The following KLF12 variants were observed in gnomAD, a reference collection of about 807,000 sequenced individuals.
KLF12 encodes KLF transcription factor 12.
KLF12 carries 9 observed loss-of-function variants against 37.8 expected under a neutral mutation model. That is an observed-to-expected ratio of 0.24 (90% confidence interval 0.14 to 0.42). The LOEUF (loss-of-function observed/expected upper bound fraction) is 0.42, where lower values mean the gene tolerates loss of function less well. Ranked by LOEUF, KLF12 falls within the 10% of genes least tolerant of loss-of-function variation. The probability of loss-of-function intolerance (pLI) is 1.00; values close to 1 mark genes in which losing one functional copy is unlikely to be tolerated. For synonymous variants in KLF12, 208 were observed against 202.1 expected (o/e 1.03, Z -0.25); for missense variants, 411 against 516.0 (o/e 0.80, Z 1.97).
chr13:74,229,003 A>C, the KLF12 span, among the ~76,000 whole-genome samples: 2 of 152,186 alleles, frequency 1.3e-5, no homozygotes, highest in Non-Finnish European at 2.9e-5. Context: ...GAAGCCAATC[A>C]AAGTTAAATA....
chr13:74,049,575 TA>T (rs1354633413), intron 1 of KLF12, among the ~76,000 whole-genome samples: 5 of 152,108 alleles, frequency 3.3e-5, no homozygotes, highest in Admixed American at 1.3e-4. Context: ...TCTTAGAAAT[TA>T]AAAATATGAT....
the KLF12 span, among the ~76,000 whole-genome samples, chr13:74,149,523 T>C: frequency 6.6e-6 from 1 of 152,208 alleles, no homozygotes; most frequent in African/African-American, 2.4e-5. Flanking sequence ...AATCTGATAT[T>C]CCATGACCAC....
intron 2 of KLF12, among the ~76,000 whole-genome samples, chr13:73,959,532 TA>T (rs1374682306): frequency 6.6e-6 from 1 of 150,966 alleles, no homozygotes; most frequent in African/African-American, 2.4e-5. Context: ...TTAGATATAT[TA>T]AAGGAGAAAT....
intron 5 of KLF12, among the ~76,000 whole-genome samples, chr13:73,807,345 A>G (rs1882701168): frequency 6.6e-6 from 1 of 152,038 alleles, no homozygotes; most frequent in South Asian, 2.1e-4. Context: ...AAATAGCAAT[A>G]AGAGAAGTCT....
chr13:74,162,654 C>T, the KLF12 span, among the ~76,000 whole-genome samples: 3 of 152,170 alleles, frequency 2.0e-5, no homozygotes, highest in Admixed American at 6.5e-5. Flanking sequence ...TGTTTATTCT[C>T]TTCCACCTCC....
the KLF12 span, among the ~76,000 whole-genome samples, chr13:74,141,856 C>G: frequency 1.3e-5 from 2 of 152,162 alleles, no homozygotes; most frequent in African/African-American, 2.4e-5. Flanking sequence ...TTTGGAACAA[C>G]CAACTGGCAG....
At chr13:74,180,030 A>G in the KLF12 span, among the ~76,000 whole-genome samples, 1 of 152,228 alleles carries the variant, frequency 6.6e-6, no homozygotes, top group Non-Finnish European at 1.5e-5. Flanking sequence ...ATAATGATAA[A>G]GACGTCTTCA....
chr13:74,045,986 G>C (rs187752357), intron 1 of KLF12, among the ~76,000 whole-genome samples: 210 of 152,282 alleles, frequency 1.4e-3, no homozygotes, highest in Non-Finnish European at 2.1e-3. Context: ...TATTAGAAGT[G>C]TTTTGTTCCT....
the KLF12 span, among the ~76,000 whole-genome samples, chr13:74,290,226 A>C: frequency 2.0e-5 from 3 of 152,208 alleles, no homozygotes; most frequent in African/African-American, 4.8e-5. Flanking sequence ...ACCACGAATG[A>C]GACACGGAGA....
At chr13:74,143,584 T>G in the KLF12 span, among the ~76,000 whole-genome samples, 8 of 152,338 alleles carry the variant, frequency 5.3e-5, no homozygotes, top group Middle Eastern at 6.8e-3. Flanking sequence ...AGGTGAGCCT[T>G]GCTAATTTAT....
At chr13:74,182,800 G>A in the KLF12 span, among the ~76,000 whole-genome samples, 2 of 152,018 alleles carry the variant, frequency 1.3e-5, no homozygotes, top group African/African-American at 4.8e-5. Flanking sequence ...ATGTGAAAAT[G>A]TCAGACAAGT....
intron 3 of KLF12, among the ~76,000 whole-genome samples, chr13:73,898,610 C>T (rs2139068429): frequency 6.6e-6 from 1 of 152,230 alleles, no homozygotes; most frequent in East Asian, 1.9e-4. Context: ...GTCATGTGTC[C>T]TCTGTCTGGG....
chr13:74,206,318 G>C, the KLF12 span, among the ~76,000 whole-genome samples: 1 of 152,096 alleles, frequency 6.6e-6, no homozygotes, highest in Admixed American at 6.6e-5. Flanking sequence ...GTACTACTCT[G>C]GTTGAATTTG....
chr13:73,991,744 A>G (rs1198105528), intron 2 of KLF12, among the ~76,000 whole-genome samples: 1 of 152,250 alleles, frequency 6.6e-6, no homozygotes, highest in African/African-American at 2.4e-5. Context: ...GCCAATGCTA[A>G]CAATCCATTT....
chr13:73,947,002 T>C (rs892932099), intron 2 of KLF12, among the ~76,000 whole-genome samples: 3 of 152,212 alleles, frequency 2.0e-5, no homozygotes, highest in African/African-American at 7.2e-5. Context: ...CTCAGATGAA[T>C]GTAGACTTTA....
At chr13:73,802,701 A>G (rs1204015647) in intron 5 of KLF12, among the ~76,000 whole-genome samples, 1 of 152,136 alleles carries the variant, frequency 6.6e-6, no homozygotes, top group African/African-American at 2.4e-5. Context: ...GCACCCACTT[A>G]TAAGTGAGAA....
At chr13:74,203,554 T>C in the KLF12 span, among the ~76,000 whole-genome samples, 1 of 152,138 alleles carries the variant, frequency 6.6e-6, no homozygotes, top group African/African-American at 2.4e-5. Flanking sequence ...GTAATGCTTA[T>C]GAATTACAGC....
the KLF12 span, among the ~76,000 whole-genome samples, chr13:74,286,003 C>A: frequency 6.6e-6 from 1 of 152,130 alleles, no homozygotes; most frequent in Admixed American, 6.5e-5. Flanking sequence ...CACAAGAAAT[C>A]CTCCCATACA....
chr13:74,199,812 C>CA, the KLF12 span, among the ~76,000 whole-genome samples: 2 of 151,920 alleles, frequency 1.3e-5, no homozygotes, highest in Non-Finnish European at 1.5e-5. Context: ...CTGGGCTTCC[C>CA]AAAAAAATGG....
Sources: gnomAD v4.1 joint callset for allele counts (sites outside exome capture counted in the v4.1 genomes callset) on GRCh38, gnomAD v4.1.1 for gene constraint, MANE v1.5 for transcripts, NCBI Gene and HGNC (gene_info 2026-07-23, HGNC 2026-07-21) for gene names.